EIF4E3: variants seen among roughly 807,000 people sequenced by gnomAD.
EIF4E3 encodes eukaryotic translation initiation factor 4E family member 3, also known as eukaryotic translation initiation factor 4E type 3.
In EIF4E3, 26 loss-of-function variants were observed where a neutral mutation model predicts 31.7. That is an observed-to-expected ratio of 0.82 (90% CI 0.60 to 1.14). EIF4E3 has a LOEUF of 1.14. Ranked by LOEUF, EIF4E3 falls within the 50% of genes most tolerant of loss-of-function variation. EIF4E3 has a pLI of 0.00. For synonymous variants in EIF4E3, 128 were observed against 107.7 expected (o/e 1.19, Z -1.17); for missense variants, 304 against 270.9 (o/e 1.12, Z -0.86).
intron 3 of EIF4E3, among the ~76,000 whole-genome samples, chr3:71,696,884 T>A (rs35554205): frequency 0.06 from 9,020 of 151,188 alleles, 366 homozygotes; most frequent in African/African-American, 0.11. Flanking sequence ...TCCAGCTAAA[T>A]TTTTTTTGTA....
At chr3:71,710,541 A>G in intron 1 of EIF4E3, 57 bp from the exon 2 acceptor site, 6 of 1,511,762 alleles carry the variant, frequency 4.0e-6, no homozygotes, top group Non-Finnish European at 5.4e-6. Context: ...AGTGCTCACA[A>G]AACAGCCCAC....
chr3:71,688,639 A>T (rs1396422675), intron 6 of EIF4E3, among the ~76,000 whole-genome samples: 1 of 152,238 alleles, frequency 6.6e-6, no homozygotes, highest in Non-Finnish European at 1.5e-5. Context: ...ATGCCAATGA[A>T]ATACACTTCC....
Position 71,681,256 on chromosome 3 carries a change from A to T in EIF4E3, c.*3426T>A, listed in dbSNP as rs554503387. ...TAAGAGCAAAATGCAGTAGGATCTT[A>T]AAAAAATTCTACAAACATAGCTGGA... On this transcript the variant is annotated 3_prime_UTR_variant, in exon 7 of 7. Coordinates refer to ENST00000425534, the MANE Select transcript of EIF4E3 (RefSeq NM_001134651.2). 2.3e-4 allele frequency: 35 copies of T among 152,290 alleles called. No homozygotes were observed. Among genetic ancestry groups the T allele is most frequent in the African/African-American group, 7.0e-4 (29 of 41,566 alleles). The allele number at this position is 152,290 out of a possible 1,614,324, so 9.4% of individuals were successfully genotyped here. A position where few individuals can be genotyped will look rare whatever the true frequency, so the allele number is the denominator to read the frequency against.
At chr3:71,662,987 C>T in the EIF4E3 span, among the ~76,000 whole-genome samples, 3 of 152,150 alleles carry the variant, frequency 2.0e-5, no homozygotes, top group African/African-American at 7.2e-5. Context: ...GCTAATTCTT[C>T]AGCTTACCTC....
upstream of EIF4E3, among the ~76,000 whole-genome samples, chr3:71,727,977 T>C (rs1199192517): frequency 2.0e-5 from 3 of 152,246 alleles, no homozygotes; most frequent in African/African-American, 7.2e-5. Flanking sequence ...ATAGCAATTA[T>C]ATACCTTTCT....
chr3:71,695,614 A>C (rs1559592990), intron 4 of EIF4E3, among the ~76,000 whole-genome samples: 1 of 152,142 alleles, frequency 6.6e-6, no homozygotes, highest in Non-Finnish European at 1.5e-5. Context: ...TCAAATCTTG[A>C]CTAATAGTTT....
chr3:71,690,112 G>A lies in EIF4E3; in HGVS notation c.526C>T (p.Gln176Ter). The change falls in exon 6 of 7, where the codon CAA (glutamine) becomes TAA (stop). Residue 176 changes from glutamine (Q) to a stop codon, truncating the protein, a stop_gained. Transcript: ENST00000425534. LOFTEE classifies it high-confidence loss of function. Reference protein sequence around the residue: ...VSVRDREDVVQVWNVNASLVG... With the variant: ...VSVRDREDVV ...AAAGAGGCATTTACATTCCAGACTTGGACGACGTCTTCTCGGTCCCGAACA... is the reference window on the plus strand; with the variant it reads ...AAAGAGGCATTTACATTCCAGACTTAGACGACGTCTTCTCGGTCCCGAACA... 6.2e-7 allele frequency: 1 copy of A among 1,613,402 alleles called. No homozygotes were observed. The highest frequency in any genetic ancestry group is 8.5e-7 in the Non-Finnish European group (1 of 1,179,828).
intron 1 of EIF4E3, among the ~76,000 whole-genome samples, chr3:71,746,990 C>T (rs933654317): frequency 1.3e-5 from 2 of 152,196 alleles, no homozygotes; most frequent in Non-Finnish European, 2.9e-5. Flanking sequence ...AATAGTATTC[C>T]ACTGTAGGGA....
At chr3:71,699,533 A>G (rs1260214788) in intron 3 of EIF4E3, 81 bp downstream of exon 3, 1 of 1,246,980 alleles carries the variant, frequency 8.0e-7, no homozygotes, top group South Asian at 1.2e-5. Context: ...TGAGACACAC[A>G]TCTCAGGTGA....
intron 1 of EIF4E3, among the ~76,000 whole-genome samples, chr3:71,741,102 T>A (rs1347318472): frequency 6.6e-6 from 1 of 151,986 alleles, no homozygotes; most frequent in Non-Finnish European, 1.5e-5. Context: ...ACCACTGCAC[T>A]CTGGCCTGGG....
At chr3:71,737,213 A>T (rs2049772792) in intron 1 of EIF4E3, among the ~76,000 whole-genome samples, 1 of 152,214 alleles carries the variant, frequency 6.6e-6, no homozygotes, top group Admixed American at 6.5e-5. Context: ...CAACTTCAGG[A>T]AACTTTAGGA....
At chr3:71,719,488 T>C (rs781222508) in intron 1 of EIF4E3, among the ~76,000 whole-genome samples, 12 of 151,432 alleles carry the variant, frequency 7.9e-5, no homozygotes, top group Non-Finnish European at 1.3e-4. Context: ...TAAACCATGA[T>C]TGGGTAGGGT....
intron 5 of EIF4E3, 147 bp downstream of exon 5, chr3:71,693,727 GA>G (rs1008142643): frequency 5.6e-5 from 40 of 713,848 alleles, no homozygotes; most frequent in South Asian, 7.7e-5. Context: ...AAAATCACAT[GA>G]AAAAAAATTG....
At chr3:71,733,077 C>G (rs2049724075) in intron 1 of EIF4E3, among the ~76,000 whole-genome samples, 1 of 152,234 alleles carries the variant, frequency 6.6e-6, no homozygotes, top group East Asian at 1.9e-4. Context: ...CCTTTGTATG[C>G]TCGTTGGGGA....
At position 71,710,431 on chromosome 3, in the gene EIF4E3, T is replaced by C. The variant is rs1485295407; in HGVS notation, c.230A>G (p.Tyr77Cys). 3 of 1,552,186 alleles carry C rather than the reference T, an allele frequency of 1.9e-6. No homozygotes were observed. The highest frequency in any genetic ancestry group is 1.2e-5 in the South Asian group (1 of 84,062). The change falls in exon 2 of 7, where the codon TAC becomes TGC. Residue 77 changes from tyrosine to cysteine, a missense_variant. Tyr to Cys is a radical substitution (Grantham distance 194). Coordinates refer to ENST00000425534, the MANE Select transcript of EIF4E3 (RefSeq NM_001134651.2). ...AECASNLKKI[Y>C]TVQTVQIFWS... ...TCTTACCTGTACTGTCTGTACTGTGTAGATTTTCTTCAGATTTGATGCGCA... is the reference window on the plus strand; with the variant it reads ...TCTTACCTGTACTGTCTGTACTGTGCAGATTTTCTTCAGATTTGATGCGCA...
chr3:71,696,253 A>G (rs1187683440), intron 4 of EIF4E3, among the ~76,000 whole-genome samples: 1 of 152,190 alleles, frequency 6.6e-6, no homozygotes, highest in Non-Finnish European at 1.5e-5. Flanking sequence ...CACATACTAC[A>G]CCACGTCTAT....
chr3:71,675,017 C>T (rs1228347276), downstream of EIF4E3, among the ~76,000 whole-genome samples: 1 of 152,168 alleles, frequency 6.6e-6, no homozygotes, highest in South Asian at 2.1e-4. Context: ...GCATCCCGGA[C>T]AAGTTCAAAT....
intron 1 of EIF4E3, among the ~76,000 whole-genome samples, chr3:71,710,948 A>G (rs1340275842): frequency 6.6e-6 from 1 of 152,228 alleles, no homozygotes; most frequent in Non-Finnish European, 1.5e-5. Context: ...CAGAGTGACC[A>G]TTTGCCTACT....
intron 1 of EIF4E3, among the ~76,000 whole-genome samples, chr3:71,711,839 C>T (rs546101891): frequency 1.6e-3 from 242 of 152,044 alleles, no homozygotes; most frequent in Non-Finnish European, 2.6e-3. Flanking sequence ...AAAAATAAGC[C>T]GGGAGTGGTG....
Sources: allele counts gnomAD v4.1 joint callset (sites outside exome capture counted in the v4.1 genomes callset), GRCh38; gene constraint gnomAD v4.1.1; transcripts MANE v1.5; gene names NCBI Gene and HGNC (gene_info 2026-07-23, HGNC 2026-07-21).